Variants in C12orf42 observed in about 807,000 individuals in gnomAD.
C12orf42 encodes the protein chromosome 12 open reading frame 42.
C12orf42 carries 25 observed loss-of-function variants against 21.6 expected under a neutral mutation model. The ratio of observed to expected loss-of-function variants is 1.16; its 90% CI spans 0.84 to 1.62. The LOEUF (loss-of-function observed/expected upper bound fraction) is 1.62. C12orf42 is among the 40% of genes most tolerant of loss of function. The pLI is 0.00. For missense variants in C12orf42, 483 were observed against 459.3 expected, an observed-to-expected ratio of 1.05 and a Z score of -0.47; for synonymous variants, 174 against 175.0, an observed-to-expected ratio of 0.99 and a Z score of 0.05.
chr12:103,422,441 A>G (rs764486978), intron 2 of C12orf42, among the ~76,000 whole-genome samples: 12 of 152,222 alleles, frequency 7.9e-5, no homozygotes, highest in Admixed American at 2.0e-4. Flanking sequence ...TGGACTAGAC[A>G]CACGCCACAG....
the C12orf42 span, among the ~76,000 whole-genome samples, chr12:103,511,877 G>T: frequency 6.6e-6 from 1 of 152,076 alleles, no homozygotes; most frequent in African/African-American, 2.4e-5. Context: ...GAAGTGTTAG[G>T]CATGGTAAGA....
chr12:103,204,451 G>A, the C12orf42 span, among the ~76,000 whole-genome samples: 1 of 152,096 alleles, frequency 6.6e-6, no homozygotes, highest in Admixed American at 6.5e-5. Flanking sequence ...TGAAAAATCA[G>A]TTGAATTTGA....
At chr12:103,359,746 T>C (rs2043918127) in intron 4 of C12orf42, among the ~76,000 whole-genome samples, 1 of 151,988 alleles carries the variant, frequency 6.6e-6, no homozygotes, top group African/African-American at 2.4e-5. Flanking sequence ...ATTTAGTTAT[T>C]AATTGTTGCC....
chr12:103,061,120 G>A, the C12orf42 span, among the ~76,000 whole-genome samples: 1 of 152,152 alleles, frequency 6.6e-6, no homozygotes, highest in Non-Finnish European at 1.5e-5. Flanking sequence ...TTGGGAGTTT[G>A]GGTCCCATTA....
chr12:103,162,992 T>C, the C12orf42 span: 1 of 152,232 alleles, frequency 6.6e-6, no homozygotes, highest in Non-Finnish European at 1.5e-5. Context: ...AAATTACATT[T>C]GAAATCCATT....
At chr12:103,152,147 T>C in the C12orf42 span, among the ~76,000 whole-genome samples, 25 of 152,320 alleles carry the variant, frequency 1.6e-4, 1 homozygote, top group South Asian at 5.2e-3. Flanking sequence ...TGAATTCTGC[T>C]AATGAATGAC....
At chr12:103,546,594 T>G in the C12orf42 span, among the ~76,000 whole-genome samples, 1 of 151,982 alleles carries the variant, frequency 6.6e-6, no homozygotes, top group Admixed American at 6.6e-5. Context: ...ACAAAAAGGG[T>G]CAGGTGTTTT....
At chr12:103,216,706 A>G in the C12orf42 span, among the ~76,000 whole-genome samples, 3 of 152,084 alleles carry the variant, frequency 2.0e-5, no homozygotes, top group African/African-American at 7.2e-5. Context: ...TATAGAATCC[A>G]ATAAGGAAGG....
intron 3 of C12orf42, among the ~76,000 whole-genome samples, chr12:103,395,134 G>A (rs2047408729): frequency 1.3e-5 from 2 of 152,188 alleles, no homozygotes; most frequent in South Asian, 4.1e-4. Flanking sequence ...CATTCAGCAG[G>A]TACTGAATAA....
chr12:103,404,020 A>G (rs1593844531), intron 2 of C12orf42, among the ~76,000 whole-genome samples: 1 of 152,256 alleles, frequency 6.6e-6, no homozygotes, highest in East Asian at 1.9e-4. Flanking sequence ...CCACCTGACC[A>G]TCTATACAAA....
the C12orf42 span, among the ~76,000 whole-genome samples, chr12:103,052,293 T>A: frequency 6.6e-6 from 1 of 152,152 alleles, no homozygotes; most frequent in Non-Finnish European, 1.5e-5. Context: ...GCTTTAAAAA[T>A]GTATATTGTC....
At chr12:103,166,352 CTAT>C in the C12orf42 span, among the ~76,000 whole-genome samples, 2 of 152,058 alleles carry the variant, frequency 1.3e-5, no homozygotes, top group Non-Finnish European at 2.9e-5. Context: ...AAAAAGTTAG[CTAT>C]TATTGTTATT....
chr12:103,229,056 T>C, the C12orf42 span, among the ~76,000 whole-genome samples: 1 of 152,190 alleles, frequency 6.6e-6, no homozygotes, highest in Non-Finnish European at 1.5e-5. Flanking sequence ...ATACACAGTG[T>C]ATAAAAATTA....
At chr12:103,231,134 GT>G in the C12orf42 span, among the ~76,000 whole-genome samples, 1 of 152,122 alleles carries the variant, frequency 6.6e-6, no homozygotes, top group Non-Finnish European at 1.5e-5. Flanking sequence ...GACATATAAT[GT>G]TTTCGATGGA....
At position 103,302,135 on chromosome 12, in the gene C12orf42, C is replaced by T; in HGVS notation, c.1056G>A (p.Arg352=). 1 of 1,612,768 alleles carries T rather than the reference C, an allele frequency of 6.2e-7. No homozygotes were observed. The highest frequency in any genetic ancestry group is 1.7e-5 in the Admixed American group (1 of 59,818). ...FHTVCSQALS[R]PVVNAHLH Reference sequence around the variant, plus strand: ...AATGTAAGTGAGCATTCACCACCGGCCTAGAAAGGGCCTGTGAACAAACCG... The same window carrying T: ...AATGTAAGTGAGCATTCACCACCGGTCTAGAAAGGGCCTGTGAACAAACCG... The change falls in exon 6 of 6, where the codon AGG becomes AGA. Residue 352 remains arginine, a synonymous_variant. Transcript: ENST00000548883.
At chr12:103,480,627 T>C (rs1954397354) in intron 1 of C12orf42, among the ~76,000 whole-genome samples, 1 of 151,770 alleles carries the variant, frequency 6.6e-6, no homozygotes, top group Non-Finnish European at 1.5e-5. Flanking sequence ...ATGCTTTTAT[T>C]ATCTCTCATT....
chr12:103,454,161 T>C (rs1335809764), intron 2 of C12orf42, among the ~76,000 whole-genome samples: 5 of 152,100 alleles, frequency 3.3e-5, no homozygotes, highest in African/African-American at 1.2e-4. Flanking sequence ...TTTTTGAAGA[T>C]GGTTACATAT....
intron 2 of C12orf42, among the ~76,000 whole-genome samples, chr12:103,428,009 A>G (rs1473415638): frequency 6.6e-6 from 1 of 152,210 alleles, no homozygotes; most frequent in Non-Finnish European, 1.5e-5. Flanking sequence ...CTAAATGTAC[A>G]CAGGAGAAAG....
the C12orf42 span, among the ~76,000 whole-genome samples, chr12:103,169,426 A>G: frequency 6.6e-6 from 1 of 152,012 alleles, no homozygotes; most frequent in Non-Finnish European, 1.5e-5. Flanking sequence ...TAAACTCAAA[A>G]AAAAAAAATC....
Sources: allele counts gnomAD v4.1 joint callset (sites outside exome capture counted in the v4.1 genomes callset), GRCh38; gene constraint gnomAD v4.1.1; transcripts MANE v1.5; gene names NCBI Gene and HGNC (gene_info 2026-07-23, HGNC 2026-07-21).